EMP2: variants seen among roughly 807,000 people sequenced by gnomAD.
EMP2 encodes the protein epithelial membrane protein 2.
A neutral mutation model predicts 13.7 loss-of-function variants in EMP2; 19 were observed. The ratio of observed to expected loss-of-function variants is 1.38; its 90% CI spans 0.97 to 2.03. The LOEUF is 2.03. Among genes scored for constraint, EMP2 ranks in the 30% most tolerant of loss-of-function variants. EMP2 has a pLI of 0.00. For missense variants in EMP2, 253 were observed against 220.7 expected, an observed-to-expected ratio of 1.15 and a Z score of -0.93; for synonymous variants, 97 against 84.7, an observed-to-expected ratio of 1.15 and a Z score of -0.80.
chr16:10,564,785 G>A (rs1016922777), intron 1 of EMP2, among the ~76,000 whole-genome samples: 7 of 152,096 alleles, frequency 4.6e-5, no homozygotes, highest in Admixed American at 1.3e-4. Context: ...CAGGCAGCTC[G>A]GGGCATGTGG....
At chr16:10,543,706 T>A (rs760778581) in intron 2 of EMP2, 46 bp from the exon 3 acceptor site, 14 of 1,582,838 alleles carry the variant, frequency 8.8e-6, no homozygotes, top group Admixed American at 6.7e-5. Context: ...CCGTTCATGA[T>A]GCAAACACTG....
chr16:10,547,500 G>C (rs569446031), intron 2 of EMP2, 40 bp downstream of exon 2: 2 of 1,603,986 alleles, frequency 1.2e-6, no homozygotes, highest in African/African-American at 1.3e-5. Context: ...TTGACTGCAG[G>C]ACCCAGGTTT....
At chr16:10,543,526 C>T (rs745875818) in intron 3 of EMP2, 44 bp downstream of exon 3, 2 of 1,602,516 alleles carry the variant, frequency 1.2e-6, no homozygotes, top group South Asian at 2.2e-5. Context: ...ACCGTTCCTT[C>T]CTCCCTCAGT....
At chr16:10,555,082 G>A (rs1459493349) in intron 1 of EMP2, among the ~76,000 whole-genome samples, 1 of 152,106 alleles carries the variant, frequency 6.6e-6, no homozygotes, top group East Asian at 1.9e-4. Context: ...AAGCCCTATT[G>A]TCCAGAGGTA....
rs1239895919 is a variant in EMP2, at chr16:10,538,024, G to A, written c.220C>T (p.Leu74Phe). Residue 74 changes from leucine to phenylalanine, a missense_variant, in exon 4 of 5, where the codon CTC (leucine) becomes TTC (phenylalanine). Physicochemically the swap from Leu to Phe is conservative, Grantham distance 22 (BLOSUM62 0). Coordinates refer to ENST00000359543, the MANE Select transcript of EMP2 (RefSeq NM_001424.6). The part of the protein sequence containing the change: ...VQATMILSTI[L>F]CCIAFFIFVL... ...AAGATGAAGAAGGCGATGCAGCAGA[G>A]AATGGTGGAGAGGATCATGGTGGCC... 3.1e-6 allele frequency: 5 copies of A among 1,613,998 alleles called. No individual in the cohort carries two copies. The highest frequency in any genetic ancestry group is 4.2e-6 in the Non-Finnish European group (5 of 1,180,024).
In EMP2 at chr16:10,528,536, T is replaced by A. The variant is rs148724239; in HGVS notation, c.*4369A>T. 6.6e-6 allele frequency: 1 copy of A among 152,344 alleles called. No individual in the cohort carries two copies. Among genetic ancestry groups the A allele is most frequent in the East Asian group, 1.9e-4 (1 of 5,188 alleles). 9.4% of individuals were successfully genotyped at this position (152,344 alleles called of 1,614,324 possible). ...CAAAATGGCAGCATTCTGCCCTAGA[T>A]GTCATCACCGTTGGGAACATTAGAG... On this transcript the variant is annotated 3_prime_UTR_variant, in exon 5 of 5. Coordinates refer to ENST00000359543, the MANE Select transcript of EMP2 (RefSeq NM_001424.6).
intron 1 of EMP2, among the ~76,000 whole-genome samples, chr16:10,565,362 C>T (rs2050900523): frequency 6.6e-6 from 1 of 152,162 alleles, no homozygotes; most frequent in Non-Finnish European, 1.5e-5. Flanking sequence ...GGCTATGCCT[C>T]ATCCAATCAG....
At chr16:10,544,951 G>A (rs2050728842) in intron 2 of EMP2, 2 of 152,186 alleles carry the variant, frequency 1.3e-5, no homozygotes, top group African/African-American at 4.8e-5. Flanking sequence ...TCAGCCAAAA[G>A]CATTCATTTC....
intron 1 of EMP2, among the ~76,000 whole-genome samples, chr16:10,557,892 C>T (rs8046922): frequency 0.064 from 9,697 of 152,068 alleles, 1,042 homozygotes; most frequent in African/African-American, 0.22. Flanking sequence ...AAGAAACCTC[C>T]GGGCATCAGA....
chr16:10,540,933 C>A (rs942578693), intron 3 of EMP2, among the ~76,000 whole-genome samples: 5 of 151,948 alleles, frequency 3.3e-5, no homozygotes, highest in African/African-American at 1.2e-4. Context: ...ACAGAAAATA[C>A]AAAAATTAGC....
intron 4 of EMP2, among the ~76,000 whole-genome samples, chr16:10,537,682 A>G (rs1190332325): frequency 6.6e-6 from 1 of 152,082 alleles, no homozygotes; most frequent in Non-Finnish European, 1.5e-5. Context: ...TCATGTCTCC[A>G]GGATGCCTTC....
chr16:10,577,132 T>C (rs1169753601), intron 1 of EMP2, among the ~76,000 whole-genome samples: 3 of 152,200 alleles, frequency 2.0e-5, no homozygotes. Context: ...AATTGCTGTG[T>C]GACCTGGGCA....
chr16:10,538,140 C>T (rs920366675), intron 3 of EMP2, 66 bp from the exon 4 acceptor site: 23 of 1,572,092 alleles, frequency 1.5e-5, no homozygotes, highest in South Asian at 5.7e-5. Flanking sequence ...GGGTACACAG[C>T]GACCGCAGCA....
At chr16:10,539,548 G>A (rs1423448284) in intron 3 of EMP2, among the ~76,000 whole-genome samples, 2 of 152,172 alleles carry the variant, frequency 1.3e-5, no homozygotes, top group East Asian at 1.9e-4. Context: ...GGGGCAGAAA[G>A]CGGTAGCAAC....
At chr16:10,570,084 T>C (rs2050936735) in intron 1 of EMP2, among the ~76,000 whole-genome samples, 1 of 152,194 alleles carries the variant, frequency 6.6e-6, no homozygotes, top group African/African-American at 2.4e-5. Flanking sequence ...CGGGGTGCCC[T>C]GGTGAACTAT....
At position 10,537,760 on chromosome 16, in the gene EMP2, C is replaced by CCA. The variant is rs34979037; in HGVS notation, c.316+166_316+167dup. Among the ~76,000 whole-genome samples, 44,293 of 149,134 alleles carry CCA rather than the reference C, an allele frequency of 0.3. 8,418 individuals are homozygous for CCA. The highest frequency in any genetic ancestry group is 0.55 in the African/African-American group (22,198 of 40,614). On this transcript the variant is annotated intron_variant, in intron 4 of 4. Transcript: ENST00000359543. The stretch of plus-strand genomic sequence containing the variant: ...CCACTGTGGTACAGCATGCATGCGC[C>CCA]CACACACACACACACACACACGCAA...
intron 1 of EMP2, among the ~76,000 whole-genome samples, chr16:10,552,354 G>C (rs1036346435): frequency 1.3e-5 from 2 of 152,218 alleles, no homozygotes; most frequent in Admixed American, 6.5e-5. Context: ...AAGAAAAAAG[G>C]TTTTAACCCA....
rs529471892 is a variant in EMP2 at position 10,528,925 on chromosome 16, A to G, written c.*3980T>C. 2.6e-5 allele frequency: 4 copies of G among 152,296 alleles called. No homozygotes were observed. Among genetic ancestry groups the G allele is most frequent in the African/African-American group, 9.6e-5 (4 of 41,568 alleles). The allele number at this position is 152,296 out of a possible 1,614,324, so 9.4% of individuals were successfully genotyped here. A position where few individuals can be genotyped will look rare whatever the true frequency, so the allele number is the denominator to read the frequency against. Reference sequence around the variant, plus strand: ...CATCAGTGAACACAGAGCGTCCTAGAGCGCCAGCCTGTTCATGAGGGGTGT... The same window carrying G: ...CATCAGTGAACACAGAGCGTCCTAGGGCGCCAGCCTGTTCATGAGGGGTGT... On this transcript the variant is annotated 3_prime_UTR_variant, in exon 5 of 5. Coordinates refer to ENST00000359543, the MANE Select transcript of EMP2 (RefSeq NM_001424.6).
At chr16:10,544,967 G>A (rs2050728946) in intron 2 of EMP2, 1 of 152,222 alleles carries the variant, frequency 6.6e-6, no homozygotes, top group Admixed American at 6.5e-5. Flanking sequence ...ATTTCCCTGT[G>A]TGCTTTGGTG....
Sources: allele counts gnomAD v4.1 joint callset (sites outside exome capture counted in the v4.1 genomes callset), GRCh38; gene constraint gnomAD v4.1.1; transcripts MANE v1.5; gene names NCBI Gene and HGNC (gene_info 2026-07-23, HGNC 2026-07-21).